Variants in SAMMSON observed in about 807,000 individuals in gnomAD.
The protein encoded by SAMMSON is long intergenic non-protein coding RNA 1212.
At chr3:70,049,186 C>T (rs2067137400) in intron 3 of SAMMSON, among the ~76,000 whole-genome samples, 1 of 152,112 alleles carries the variant, frequency 6.6e-6, no homozygotes. Context: ...TCAAGGAGCT[C>T]TTAGTACATT....
intron 2 of SAMMSON, among the ~76,000 whole-genome samples, chr3:70,421,072 A>C (rs1701308271): frequency 6.6e-6 from 1 of 152,162 alleles, no homozygotes; most frequent in East Asian, 1.9e-4. Context: ...ATATAATTCC[A>C]TCTCATTTAA....
At chr3:70,363,445 C>G (rs182628133) in intron 9 of SAMMSON, among the ~76,000 whole-genome samples, 12 of 151,556 alleles carry the variant, frequency 7.9e-5, no homozygotes, top group Admixed American at 5.3e-4. Flanking sequence ...CTCACACACA[C>G]AAAAAAAACC....
At chr3:70,126,133 G>A (rs1285808620) in intron 4 of SAMMSON, 4 of 1,269,676 alleles carry the variant, frequency 3.2e-6, no homozygotes, top group South Asian at 2.5e-5. Flanking sequence ...GGAAGGTGGT[G>A]GGTACATATA....
intron 9 of SAMMSON, among the ~76,000 whole-genome samples, chr3:70,376,362 T>A (rs1703014508): frequency 6.6e-6 from 1 of 152,214 alleles, no homozygotes; most frequent in African/African-American, 2.4e-5. Flanking sequence ...GGAATGAAGT[T>A]ATAAATGCCA....
chr3:70,336,264 G>C (rs902141815), intron 7 of SAMMSON, among the ~76,000 whole-genome samples: 7 of 152,016 alleles, frequency 4.6e-5, no homozygotes, highest in African/African-American at 1.4e-4. Context: ...AAGAGAACAA[G>C]TAAGCAGACC....
chr3:70,350,064 TG>T, intron 7 of SAMMSON, among the ~76,000 whole-genome samples: 1 of 152,192 alleles, frequency 6.6e-6, no homozygotes, highest in East Asian at 1.9e-4. Flanking sequence ...AACTTGAACA[TG>T]AGTGCTGGTG....
At chr3:70,085,637 A>G (rs1268811738) in intron 4 of SAMMSON, among the ~76,000 whole-genome samples, 1 of 152,208 alleles carries the variant, frequency 6.6e-6, no homozygotes, top group Non-Finnish European at 1.5e-5. Context: ...ACTTACCCAA[A>G]TTTTATGAAT....
At chr3:70,366,590 G>A (rs1219675922) in intron 9 of SAMMSON, among the ~76,000 whole-genome samples, 1 of 142,134 alleles carries the variant, frequency 7.0e-6, no homozygotes, top group African/African-American at 2.6e-5. Context: ...ATTCTCCAAT[G>A]AAGGACATCT....
At chr3:70,153,426 C>T (rs908104312) in intron 4 of SAMMSON, among the ~76,000 whole-genome samples, 10 of 151,850 alleles carry the variant, frequency 6.6e-5, no homozygotes, top group African/African-American at 2.4e-4. Context: ...AGCTCCAGCT[C>T]ACTGCAACGG....
chr3:70,254,364 A>G (rs1220962116), intron 6 of SAMMSON, among the ~76,000 whole-genome samples: 1 of 152,150 alleles, frequency 6.6e-6, no homozygotes, highest in Admixed American at 6.6e-5. Context: ...AATTATTCTC[A>G]ATTATTATTT....
intron 4 of SAMMSON, among the ~76,000 whole-genome samples, chr3:70,116,575 A>G (rs1410787210): frequency 6.6e-6 from 1 of 152,046 alleles, no homozygotes. Flanking sequence ...TCTTAAAACT[A>G]AATAAAAAAA....
intron 4 of SAMMSON, among the ~76,000 whole-genome samples, chr3:70,187,209 A>G (rs1701097536): frequency 6.6e-6 from 1 of 152,200 alleles, no homozygotes; most frequent in African/African-American, 2.4e-5. Context: ...CATCTTGCAT[A>G]CATTGAAGGT....
rs555205642 is a variant in SAMMSON, at chr3:70,427,669, C to T, written n.234-34891C>T. Among the ~76,000 whole-genome samples, 563 of 146,392 alleles carry T rather than the reference C, an allele frequency of 3.8e-3. 3 individuals are homozygous for T. The highest frequency in any genetic ancestry group is 0.013 in the African/African-American group (533 of 39,540). On this transcript the variant is annotated intron_variant and non_coding_transcript_variant, in intron 2 of 3. Coordinates refer to the SAMMSON transcript ENST00000641053. ...AGGAGAATGGCATGAACCCGGGAGG[C>T]GGAGCTTGCAGTGAGTCGAGATCGC...
intron 4 of SAMMSON, among the ~76,000 whole-genome samples, chr3:70,155,661 C>T (rs2067589424): frequency 6.6e-6 from 1 of 151,988 alleles, no homozygotes; most frequent in Non-Finnish European, 1.5e-5. Flanking sequence ...TCTTTCTACC[C>T]CTTTCTTTCA....
intron 2 of SAMMSON, among the ~76,000 whole-genome samples, chr3:70,411,448 T>C (rs938278501): frequency 3.3e-5 from 5 of 152,214 alleles, no homozygotes; most frequent in African/African-American, 9.6e-5. Context: ...CCACTTATAA[T>C]AGCAGAATCA....
At chr3:70,250,641 CTG>C (rs1466577285) in intron 6 of SAMMSON, among the ~76,000 whole-genome samples, 1 of 152,156 alleles carries the variant, frequency 6.6e-6, no homozygotes, top group African/African-American at 2.4e-5. Flanking sequence ...TCAAATTACG[CTG>C]TGTTTTTATT....
At chr3:70,269,380 G>T (rs959938592) in intron 6 of SAMMSON, among the ~76,000 whole-genome samples, 1 of 152,184 alleles carries the variant, frequency 6.6e-6, no homozygotes, top group African/African-American at 2.4e-5. Flanking sequence ...TAGACACCCT[G>T]TAACCTACTT....
At chr3:70,035,421 A>T (rs1576103987) in intron 3 of SAMMSON, among the ~76,000 whole-genome samples, 1 of 152,172 alleles carries the variant, frequency 6.6e-6, no homozygotes, top group Non-Finnish European at 1.5e-5. Flanking sequence ...TCAACTGATC[A>T]GTAACTTTAG....
chr3:70,068,679 A>G (rs1333954805), intron 3 of SAMMSON: 5 of 152,114 alleles, frequency 3.3e-5, no homozygotes, highest in African/African-American at 1.2e-4. Context: ...TTCTTCTAAT[A>G]AAATGCTAAT....
Sources: gnomAD v4.1 joint callset for allele counts (sites outside exome capture counted in the v4.1 genomes callset) on GRCh38, gnomAD v4.1.1 for gene constraint, MANE v1.5 for transcripts, NCBI Gene and HGNC (gene_info 2026-07-23, HGNC 2026-07-21) for gene names.